The following RTL4 variants were observed in gnomAD, a reference collection of about 807,000 sequenced individuals.
RTL4 encodes the protein retrotransposon Gag-like protein 4.
In RTL4, 4 loss-of-function variants were observed where a neutral mutation model predicts 5.3. That is an observed-to-expected ratio of 0.75 (90% CI 0.37 to 1.72). The LOEUF (loss-of-function observed/expected upper bound fraction) is 1.72, where lower values mean the gene tolerates loss of function less well. Ranked by LOEUF, RTL4 falls within the 40% of genes most tolerant of loss-of-function variation. The probability of loss-of-function intolerance (pLI) is 0.04; values close to 1 mark genes in which losing one functional copy is unlikely to be tolerated. For missense variants in RTL4, 260 were observed against 227.1 expected (o/e 1.14, Z -0.93); for synonymous variants, 98 against 87.3 (o/e 1.12, Z -0.68).
chrX:112,455,293 G>A, exon 1 of RTL4: 1 of 1,211,598 alleles, frequency 8.3e-7, no homozygotes, highest in Non-Finnish European at 1.1e-6. Flanking sequence ...AAAGGCACTA[G>A]CTGATCCCAA....
chrX:112,149,450 T>A, the RTL4 span, among the ~76,000 whole-genome samples: 1 of 110,645 alleles, frequency 9.0e-6, no homozygotes, highest in Middle Eastern at 4.6e-3. Flanking sequence ...GAAGGTGAGA[T>A]TTGAGTAAAA....
chrX:112,371,081 G>A, the RTL4 span, among the ~76,000 whole-genome samples: 1 of 110,991 alleles, frequency 9.0e-6, no homozygotes, highest in Non-Finnish European at 1.9e-5. Context: ...CAAGACAGGG[G>A]TGCAGAGGTA....
chrX:112,435,336 A>T, the RTL4 span, among the ~76,000 whole-genome samples: 1 of 112,037 alleles, frequency 8.9e-6, no homozygotes, highest in Non-Finnish European at 1.9e-5. Flanking sequence ...TCCACTGTGT[A>T]TTCATTCAGT....
the RTL4 span, chrX:112,381,893 A>G: frequency 8.3e-7 from 1 of 1,209,933 alleles, no homozygotes; most frequent in Non-Finnish European, 1.1e-6. Flanking sequence ...ATTGGGAAAG[A>G]GAAAAAGAAG....
At chrX:112,323,732 T>C in the RTL4 span, among the ~76,000 whole-genome samples, 2 of 111,265 alleles carry the variant, frequency 1.8e-5, no homozygotes, top group African/African-American at 6.6e-5. Flanking sequence ...TCAAGCGATC[T>C]ATCTGTCTCA....
At chrX:112,168,943 C>CTTTCTTTCTTTCTTTCTT in the RTL4 span, among the ~76,000 whole-genome samples, 1 of 12,895 alleles carries the variant, frequency 7.8e-5, no homozygotes. Flanking sequence ...CTTTCTTTTT[C>CTTTCTTTCTTTCTTTCTT]TTTCTTTCTT....
the RTL4 span, among the ~76,000 whole-genome samples, chrX:112,261,802 G>T: frequency 8.9e-6 from 1 of 111,926 alleles, no homozygotes; most frequent in African/African-American, 3.2e-5. Context: ...ATATTAAAAG[G>T]CTGCAGTAAC....
the RTL4 span, among the ~76,000 whole-genome samples, chrX:112,358,931 G>A: frequency 2.7e-5 from 3 of 111,323 alleles, no homozygotes; most frequent in South Asian, 3.8e-4. Flanking sequence ...AATCAACGCC[G>A]TCCAAACTAT....
the RTL4 span, among the ~76,000 whole-genome samples, chrX:112,120,580 G>GTTTT: frequency 0.14 from 13,049 of 92,791 alleles, 1,780 homozygotes; most frequent in African/African-American, 0.4. Flanking sequence ...CCCGGCTGGG[G>GTTTT]TTTTTTTTTT....
chrX:112,409,721 GAA>G, the RTL4 span, among the ~76,000 whole-genome samples: 275 of 89,520 alleles, frequency 3.1e-3, 1 homozygote, highest in Middle Eastern at 5.5e-3. Context: ...GCTCCATCTC[GAA>G]AAAAAAAAAA....
At chrX:112,455,804 A>G in exon 1 of RTL4, 1 of 578,217 alleles carries the variant, frequency 1.7e-6, no homozygotes, top group South Asian at 4.4e-5. Flanking sequence ...GGGAATTTAA[A>G]CAATCAGATC....
At chrX:112,171,666 C>T in the RTL4 span, among the ~76,000 whole-genome samples, 4 of 111,538 alleles carry the variant, frequency 3.6e-5, no homozygotes, top group Admixed American at 2.9e-4. Context: ...ATTAGTCTAG[C>T]TAGTGGTCTA....
chrX:112,136,771 T>C, the RTL4 span, among the ~76,000 whole-genome samples: 1 of 111,716 alleles, frequency 9.0e-6, no homozygotes, highest in African/African-American at 3.2e-5. Context: ...GCACCATACT[T>C]CCTGATTTCA....
the RTL4 span, among the ~76,000 whole-genome samples, chrX:112,424,935 T>C: frequency 1.8e-5 from 2 of 111,128 alleles, no homozygotes; most frequent in African/African-American, 3.3e-5. Flanking sequence ...GATGCATTAT[T>C]ATCATCCAAA....
chrX:112,240,327 T>C, the RTL4 span, among the ~76,000 whole-genome samples: 1 of 111,484 alleles, frequency 9.0e-6, no homozygotes, highest in Non-Finnish European at 1.9e-5. Flanking sequence ...TGAGGGAATG[T>C]ATAGTAACAA....
At chrX:112,083,371 T>C in the RTL4 span, among the ~76,000 whole-genome samples, 4 of 112,426 alleles carry the variant, frequency 3.6e-5, no homozygotes, top group African/African-American at 1.3e-4. Context: ...CCGGCGACCA[T>C]AGGTCATTCA....
chrX:112,147,813 C>T, the RTL4 span, among the ~76,000 whole-genome samples: 3 of 111,231 alleles, frequency 2.7e-5, 1 homozygote, highest in Non-Finnish European at 5.7e-5. Context: ...TGGTGGGGTG[C>T]ACCTGTAATC....
the RTL4 span, among the ~76,000 whole-genome samples, chrX:112,301,182 G>T: frequency 2.7e-5 from 3 of 111,915 alleles, no homozygotes; most frequent in Admixed American, 9.4e-5. Context: ...TGGTTTGTCA[G>T]CTAGTTACCA....
At chrX:112,391,110 T>C in the RTL4 span, among the ~76,000 whole-genome samples, 1 of 112,422 alleles carries the variant, frequency 8.9e-6, no homozygotes, top group Non-Finnish European at 1.9e-5. Flanking sequence ...TATTCTGCTA[T>C]TAATACTTGA....
Sources: gnomAD v4.1 joint callset for allele counts (sites outside exome capture counted in the v4.1 genomes callset) on GRCh38, gnomAD v4.1.1 for gene constraint, MANE v1.5 for transcripts, NCBI Gene and HGNC (gene_info 2026-07-23, HGNC 2026-07-21) for gene names.